Variants in DNPEP observed in about 807,000 individuals in gnomAD.
DNPEP encodes aspartyl aminopeptidase.
In DNPEP, 46 loss-of-function variants were observed where a neutral mutation model predicts 59.1. The ratio of observed to expected loss-of-function variants is 0.78; its 90% confidence interval spans 0.61 to 0.99. The LOEUF is 0.99. DNPEP is among the 50% of genes least tolerant of loss of function. DNPEP has a pLI of 0.00. For missense variants in DNPEP, 617 were observed against 649.9 expected (o/e 0.95, Z 0.55); for synonymous variants, 229 against 242.2 (o/e 0.95, Z 0.50).
At chr2:219,381,784 C>T (rs1379970413) in intron 11 of DNPEP, 195 bp downstream of exon 11, 4 of 846,758 alleles carry the variant, frequency 4.7e-6, no homozygotes, top group African/African-American at 1.7e-5. Context: ...AAGGTGTATT[C>T]CACACACCTG....
rs1388314521 is a variant in DNPEP at position 219,385,375 on chromosome 2, C to T, written c.774+49G>A. The T allele has an allele frequency of 2.2e-6, 3 of 1,365,588 alleles. No individual in the cohort carries two copies. The African/African-American group carries it at 4.3e-5, about 19-fold the overall frequency. 84.6% of individuals were successfully genotyped at this position (1,365,588 alleles called of 1,614,324 possible). A position where few individuals can be genotyped will look rare whatever the true frequency, so the allele number is the denominator to read the frequency against. ...TTCAGCAGGACGGGCTAGGGGTGGC[C>T]AGGATCCTGGAGGCCCTTCACCCAC... On this transcript the variant is annotated intron_variant, in intron 8 of 14. Transcript: ENST00000273075.
upstream of DNPEP, among the ~76,000 whole-genome samples, chr2:219,389,834 A>ATAAATAAATAAATAAATAAATAAG (rs1953985308): frequency 6.6e-6 from 1 of 151,052 alleles, no homozygotes; most frequent in Admixed American, 6.6e-5. Flanking sequence ...TTCTGTCTCA[A>ATAAATAAATAAATAAATAAATAAG]TAAATAAATA....
At chr2:219,377,557 T>C (rs1018860109) in intron 13 of DNPEP, among the ~76,000 whole-genome samples, 1 of 152,016 alleles carries the variant, frequency 6.6e-6, no homozygotes, top group African/African-American at 2.4e-5. Flanking sequence ...AAAAAAAATA[T>C]TTTGAGGATA....
At chr2:219,375,213 T>C (rs1351614093) in intron 13 of DNPEP, among the ~76,000 whole-genome samples, 191 bp from the exon 14 acceptor site, 3 of 152,150 alleles carry the variant, frequency 2.0e-5, no homozygotes, top group South Asian at 4.1e-4. Context: ...TCTATCTGCA[T>C]TGCCACCACC....
chr2:219,385,252 T>C (rs565165508), intron 8 of DNPEP, 172 bp downstream of exon 8: 2 of 580,226 alleles, frequency 3.4e-6, no homozygotes, highest in South Asian at 4.6e-5. Context: ...AGGGAACTTG[T>C]CTTTTTGAGA....
chr2:219,390,893 A>G (rs1954006796), upstream of DNPEP, among the ~76,000 whole-genome samples: 1 of 152,226 alleles, frequency 6.6e-6, no homozygotes, highest in Non-Finnish European at 1.5e-5. Context: ...CAGATTAACA[A>G]AAATGGAAAA....
In DNPEP at chr2:219,373,192, C is replaced by T. The variant is rs1040805560; in HGVS notation, c.*1100G>A. 8.6e-5 allele frequency among the ~76,000 whole-genome samples: 4 copies of T among 46,290 alleles called. No individual in the cohort carries two copies. Among genetic ancestry groups the T allele is most frequent in the Non-Finnish European group, 2.6e-4 (4 of 15,416 alleles). The allele number at this position is 46,290 out of a possible 152,430, so 30.4% of individuals were successfully genotyped here. On this transcript the variant is annotated 3_prime_UTR_variant, in exon 15 of 15. Transcript: ENST00000273075. ...CAAGCGATTCTCCTGCCTCAGCCTCCGGAGTGGCTGAGATTACAGGCATGT... is the reference window on the plus strand; with the variant it reads ...CAAGCGATTCTCCTGCCTCAGCCTCTGGAGTGGCTGAGATTACAGGCATGT...
chr2:219,388,554 G>A, upstream of DNPEP: 1 of 284,822 alleles, frequency 3.5e-6, no homozygotes, highest in Non-Finnish European at 5.3e-6. Flanking sequence ...GTTAGGCCCC[G>A]CCCTGCACCC....
intron 13 of DNPEP, among the ~76,000 whole-genome samples, chr2:219,380,159 A>T (rs1953528469): frequency 6.8e-6 from 1 of 146,204 alleles, no homozygotes; most frequent in Non-Finnish European, 1.5e-5. Context: ...ACCATTTTAA[A>T]TCTTTTATAC....
chr2:219,381,937 T>G (rs1953619138), intron 11 of DNPEP, 42 bp downstream of exon 11: 1 of 1,606,780 alleles, frequency 6.2e-7, no homozygotes, highest in Admixed American at 1.7e-5. Context: ...TGCTTGGGTC[T>G]CCAGCTATGT....
intron 1 of DNPEP, among the ~76,000 whole-genome samples, chr2:219,394,461 G>C (rs574572811): frequency 2.0e-5 from 3 of 152,220 alleles, no homozygotes; most frequent in Admixed American, 2.0e-4. Flanking sequence ...TTTTAAAATA[G>C]AGATGAGGTC....
chr2:219,386,804 G>C, intron 3 of DNPEP, 26 bp from the exon 4 acceptor site: 3 of 1,610,960 alleles, frequency 1.9e-6, no homozygotes, highest in Non-Finnish European at 2.5e-6. Flanking sequence ...GGAAAGACAG[G>C]GGTGTGAGTT....
rs576059610 is a variant in DNPEP, at chr2:219,372,405, G to T, written c.*1887C>A. On this transcript the variant is annotated 3_prime_UTR_variant, in exon 15 of 15. Transcript: ENST00000273075. ...TTTTGAGACGGAGTCTGGCTCTGTC[G>T]CCCAGGCTGGAGTGCAGTGGCTCAA... 6.6e-6 allele frequency among the ~76,000 whole-genome samples: 1 copy of T among 151,718 alleles called. No individual in the cohort carries two copies. Among genetic ancestry groups the T allele is most frequent in the African/African-American group, 2.4e-5 (1 of 41,326 alleles).
At chr2:219,399,349 G>A (rs73991529) in intron 1 of DNPEP, 1 of 432,850 alleles carries the variant, frequency 2.3e-6, no homozygotes, top group African/African-American at 2.0e-5. Flanking sequence ...CATGGGGCTT[G>A]GAAACTGGCA....
chr2:219,390,094 G>A (rs1953991676), upstream of DNPEP, among the ~76,000 whole-genome samples: 1 of 152,194 alleles, frequency 6.6e-6, no homozygotes. Context: ...AGTGAGCCGG[G>A]AGTGGTGGCT....
At chr2:219,384,594 G>A in intron 8 of DNPEP, 151 bp from the exon 9 acceptor site, 1 of 564,460 alleles carries the variant, frequency 1.8e-6, no homozygotes, top group Non-Finnish European at 3.2e-6. Context: ...TTGAGATGAA[G>A]GTTCGCTCTT....
upstream of DNPEP, among the ~76,000 whole-genome samples, chr2:219,391,223 T>A (rs1007359598): frequency 6.6e-6 from 1 of 152,204 alleles, no homozygotes; most frequent in East Asian, 1.9e-4. Context: ...TAAGTCCCTA[T>A]GAAATGTTTC....
At chr2:219,390,190 G>T (rs189966681), upstream of DNPEP, among the ~76,000 whole-genome samples, 606 of 152,284 alleles carry the variant, frequency 4.0e-3, 6 homozygotes, top group Middle Eastern at 0.01. Flanking sequence ...AGCTATTACT[G>T]CTGCTAGACA....
In DNPEP at chr2:219,385,636, C is replaced by T. The variant is rs1953780767; in HGVS notation, c.661G>A (p.Ala221Thr). Residue 221 changes from alanine (A) to threonine (T), a missense_variant, in exon 7 of 15, where the codon GCT becomes ACT. Ala to Thr is a moderately conservative substitution (Grantham distance 58). Coordinates refer to ENST00000273075, the MANE Select transcript of DNPEP (RefSeq NM_012100.4). ...KGTPEPGPLNAVDERHHSVLM... is the reference protein window; with the variant it reads ...KGTPEPGPLNTVDERHHSVLM... ...TGATCAGGAGACTCTCTTACCACAG[C>T]ATTGAGAGGCCCTGGCTCAGGAGTC... is the stretch of plus-strand genomic sequence containing the variant. 6.2e-7 allele frequency: 1 copy of T among 1,612,944 alleles called. No homozygotes were observed. The highest frequency in any genetic ancestry group is 8.5e-7 in the Non-Finnish European group (1 of 1,179,416).
Sources: allele counts gnomAD v4.1 joint callset (sites outside exome capture counted in the v4.1 genomes callset), GRCh38; gene constraint gnomAD v4.1.1; transcripts MANE v1.5; gene names NCBI Gene and HGNC (gene_info 2026-07-23, HGNC 2026-07-21).